PCCA: variants seen among roughly 807,000 people sequenced by gnomAD.
PCCA encodes the protein propionyl-CoA carboxylase subunit alpha, also known as propionyl-CoA carboxylase alpha chain, mitochondrial.
In PCCA, 74 loss-of-function variants were observed where a neutral mutation model predicts 101.3. The observed-to-expected ratio is 0.73, with a 90% CI of 0.61 to 0.89. The LOEUF is 0.89. Ranked by LOEUF, PCCA falls within the 40% of genes least tolerant of loss-of-function variation. PCCA has a pLI of 0.00. For missense variants in PCCA, 891 were observed against 907.0 expected (o/e 0.98, Z 0.23); for synonymous variants, 294 against 313.6 (o/e 0.94, Z 0.66).
At chr13:100,139,903 G>C (rs2051651594) in intron 4 of PCCA, among the ~76,000 whole-genome samples, 1 of 149,128 alleles carries the variant, frequency 6.7e-6, no homozygotes, top group Non-Finnish European at 1.5e-5. Context: ...GCACATTCCA[G>C]TTTTTTTTTG....
intron 1 of PCCA, among the ~76,000 whole-genome samples, chr13:100,099,215 T>G (rs750782850): frequency 6.6e-6 from 1 of 152,062 alleles, no homozygotes; most frequent in African/African-American, 2.4e-5. Context: ...TTGGCAGAAA[T>G]AGTGTTCAGA....
chr13:100,146,166 C>G (rs1179757103), intron 4 of PCCA, among the ~76,000 whole-genome samples: 1 of 151,486 alleles, frequency 6.6e-6, no homozygotes, highest in African/African-American at 2.4e-5. Flanking sequence ...ATCTCAAACT[C>G]CTGGCCTCAA....
intron 6 of PCCA, among the ~76,000 whole-genome samples, chr13:100,179,678 C>G (rs1473368226): frequency 2.0e-5 from 3 of 151,756 alleles, no homozygotes; most frequent in Non-Finnish European, 4.4e-5. Flanking sequence ...TGACCCAAGG[C>G]AGACATCTAC....
At chr13:100,213,527 T>G (rs2059347836) in intron 7 of PCCA, among the ~76,000 whole-genome samples, 2 of 152,264 alleles carry the variant, frequency 1.3e-5, no homozygotes, top group South Asian at 2.1e-4. Flanking sequence ...TTTGTATGTC[T>G]TCTTTTGAGA....
At chr13:100,434,500 C>T (rs965543061) in intron 20 of PCCA, among the ~76,000 whole-genome samples, 4 of 152,156 alleles carry the variant, frequency 2.6e-5, no homozygotes, top group African/African-American at 9.7e-5. Context: ...GGCATTCACT[C>T]TCTTGGGGCA....
intron 7 of PCCA, among the ~76,000 whole-genome samples, chr13:100,232,567 A>G (rs2060561976): frequency 1.3e-5 from 2 of 151,866 alleles, no homozygotes; most frequent in Non-Finnish European, 2.9e-5. Context: ...TTTTGTAGAG[A>G]TAGAGATCTT....
rs142380762 is a variant in PCCA, at chr13:100,442,988, G to A, written c.1846-6264G>A. Among the ~76,000 whole-genome samples, 5 of 152,266 alleles carry A rather than the reference G, an allele frequency of 3.3e-5. No individual in the cohort carries two copies. The East Asian group carries it at 9.7e-4, about 29-fold the overall frequency. ...CAGATCATCTAGGGGCCAAAGAACT[G>A]TTTTGTTTTGTGTTGTTTCTTTCTA... is the stretch of plus-strand genomic sequence containing the variant. On this transcript the variant is annotated intron_variant, in intron 20 of 23. Coordinates refer to ENST00000376285, the MANE Select transcript of PCCA (RefSeq NM_000282.4).
At chr13:100,287,897 C>T (rs1595133308) in intron 12 of PCCA, among the ~76,000 whole-genome samples, 2 of 151,832 alleles carry the variant, frequency 1.3e-5, no homozygotes, top group African/African-American at 2.4e-5. Flanking sequence ...AATAAGGTTA[C>T]CCTTATATTT....
rs1194679272 is a variant in PCCA, at chr13:100,449,261, C to T, written c.1855C>T (p.Arg619Ter). 9 of 1,538,178 alleles carry T rather than the reference C, an allele frequency of 5.9e-6. No homozygotes were observed. Among genetic ancestry groups the T allele is most frequent in the South Asian group, 3.6e-5 (3 of 83,646 alleles). Residue 619 changes from arginine (R) to a stop codon, truncating the protein, a stop_gained, in exon 21 of 24, where the codon CGA (arginine) becomes TGA (stop). Transcript: ENST00000376285. LOFTEE classifies it high-confidence loss of function. ...CTTGTTTGTTTTTTAGTGTCTTTCT[C>T]GAGAAGCAGGTGGAAACATGAGCAT... ...GTQRTVQCLS[R>*]EAGGNMSIQF...
intron 6 of PCCA, among the ~76,000 whole-genome samples, chr13:100,189,111 C>T (rs1057451226): frequency 2.0e-5 from 3 of 152,042 alleles, no homozygotes; most frequent in African/African-American, 7.3e-5. Context: ...TTGTTCAACT[C>T]CCACTTATGA....
At chr13:100,486,058 A>G (rs2084350276) in intron 21 of PCCA, among the ~76,000 whole-genome samples, 1 of 152,176 alleles carries the variant, frequency 6.6e-6, no homozygotes, top group Admixed American at 6.5e-5. Flanking sequence ...GTTTCTGCAT[A>G]TGGCAGGTCG....
At chr13:100,478,687 C>T (rs138595513) in intron 21 of PCCA, among the ~76,000 whole-genome samples, 48 of 152,286 alleles carry the variant, frequency 3.2e-4, no homozygotes, top group Non-Finnish European at 5.7e-4. Context: ...CAGGAGCGGT[C>T]ACCCTGGGAG....
At chr13:100,362,133 CCA>C (rs1181862346) in intron 18 of PCCA, among the ~76,000 whole-genome samples, 7 of 152,058 alleles carry the variant, frequency 4.6e-5, no homozygotes, top group Non-Finnish European at 7.4e-5. Context: ...GTCAAAAAAG[CCA>C]CAGTTTTTTT....
intron 18 of PCCA, among the ~76,000 whole-genome samples, chr13:100,343,301 A>T (rs2071675750): frequency 6.6e-6 from 1 of 151,854 alleles, no homozygotes; most frequent in African/African-American, 2.4e-5. Flanking sequence ...AGTTCATGAT[A>T]AGATGCTCAG....
At chr13:100,403,491 G>A (rs1424095758) in intron 19 of PCCA, among the ~76,000 whole-genome samples, 2 of 152,152 alleles carry the variant, frequency 1.3e-5, no homozygotes, top group African/African-American at 4.8e-5. Flanking sequence ...AGGAGCAGGT[G>A]CATCACATGG....
rs191742012 is a variant in PCCA, at chr13:100,513,115, G to A, written c.1900-2312G>A. On this transcript the variant is annotated intron_variant, in intron 21 of 23. Transcript: ENST00000376285. Reference sequence around the variant, plus strand: ...TGGGCCCCATCCCGGCACGCGCCCCGTGCAGCACAGCACAGGCCAGCTGAG... The same window carrying A: ...TGGGCCCCATCCCGGCACGCGCCCCATGCAGCACAGCACAGGCCAGCTGAG... Among the ~76,000 whole-genome samples the A allele has an allele frequency of 2.3e-4, 35 of 152,338 alleles. No individual in the cohort carries two copies. In the East Asian group the frequency reaches 3.7e-3, roughly 16 times the overall value.
At chr13:100,127,610 G>T (rs1319181611) in intron 4 of PCCA, among the ~76,000 whole-genome samples, 2 of 152,106 alleles carry the variant, frequency 1.3e-5, no homozygotes, top group Non-Finnish European at 2.9e-5. Flanking sequence ...AAAGATTTGA[G>T]GGCCGGGCGT....
chr13:100,173,091 CAAAGGG>C lies in PCCA; in HGVS notation c.468+15753_468+15758del, dbSNP rs199861458. Among the ~76,000 whole-genome samples, 1,084 of 152,140 alleles carry C rather than the reference CAAAGGG, an allele frequency of 7.1e-3. 10 individuals are homozygous for C. The highest frequency in any genetic ancestry group is 0.02 in the Middle Eastern group (6 of 294). Reference sequence around the variant, plus strand: ...TAGCTTGCAGAATATTTCAGGGTCCCAAAGGGACTATATAAAGAGCTGTCTGTAAAA... The same window carrying C: ...TAGCTTGCAGAATATTTCAGGGTCCCACTATATAAAGAGCTGTCTGTAAAA... On this transcript the variant is annotated intron_variant, in intron 6 of 23. Coordinates refer to ENST00000376285, the MANE Select transcript of PCCA (RefSeq NM_000282.4).
chr13:100,529,853 CTG>C (rs1281815044), intron 23 of PCCA, among the ~76,000 whole-genome samples: 3 of 152,148 alleles, frequency 2.0e-5, no homozygotes, highest in Non-Finnish European at 4.4e-5. Flanking sequence ...AGGCCAGCCA[CTG>C]TGAGGGTGCC....
Sources: allele counts gnomAD v4.1 joint callset (sites outside exome capture counted in the v4.1 genomes callset), GRCh38; gene constraint gnomAD v4.1.1; transcripts MANE v1.5; gene names NCBI Gene and HGNC (gene_info 2026-07-23, HGNC 2026-07-21).